DNMT3A: variants seen among roughly 807,000 people sequenced by gnomAD.
DNMT3A encodes the protein DNA methyltransferase 3 alpha, also known as DNA (cytosine-5)-methyltransferase 3A.
Under a neutral mutation model 117.6 loss-of-function variants are expected in DNMT3A, and 267 were observed. That is an observed-to-expected ratio of 2.27 (90% CI 2.05 to 2.51). The LOEUF (loss-of-function observed/expected upper bound fraction) is 2.51, where lower values mean the gene tolerates loss of function less well. Among genes scored for constraint, DNMT3A ranks in the 30% most tolerant of loss-of-function variants. The probability of loss-of-function intolerance (pLI) is 0.00; values close to 1 mark genes in which losing one functional copy is unlikely to be tolerated. For missense variants in DNMT3A, 1,029 were observed against 1,260.2 expected (o/e 0.82, Z 2.78); for synonymous variants, 432 against 474.8 (o/e 0.91, Z 1.17).
At chr2:25,240,165 T>C in intron 19 of DNMT3A, 137 bp downstream of exon 19, 1 of 1,279,278 alleles carries the variant, frequency 7.8e-7, no homozygotes, top group Non-Finnish European at 1.1e-6. Flanking sequence ...CCAGGAAGCC[T>C]GGGGCTTCCC....
intron 6 of DNMT3A, chr2:25,251,791 T>TC (rs773499812): frequency 3.3e-5 from 9 of 275,050 alleles, no homozygotes; most frequent in Non-Finnish European, 5.5e-5. Context: ...GACCGCGTGG[T>TC]CCCCCAGCCA....
intron 6 of DNMT3A, among the ~76,000 whole-genome samples, chr2:25,250,209 C>T (rs1022969874): frequency 1.3e-5 from 2 of 152,204 alleles, no homozygotes; most frequent in African/African-American, 4.8e-5. Flanking sequence ...GGTTAAGAAC[C>T]TTTGTTTGAA....
Position 25,247,445 on chromosome 2 carries a change from G to A in DNMT3A, c.1014+146C>T. The A allele has an allele frequency of 1.6e-6, 2 of 1,284,742 alleles. No homozygotes were observed. Among genetic ancestry groups the A allele is most frequent in the Non-Finnish European group, 1.1e-6 (1 of 938,280 alleles). The allele number at this position is 1,284,742 out of a possible 1,614,324, so 79.6% of individuals were successfully genotyped here. ...CAGGTGCAACCTAATTATCCCTACA[G>A]CTTCTTCCACCCACCACAGGCAGAG... On this transcript the variant is annotated intron_variant, in intron 8 of 22. Transcript: ENST00000321117. The surrounding 1 kb of genome is among the most constrained non-coding windows in gnomAD (Gnocchi z 5.6).
chr2:25,264,447 T>C (rs1227368267), intron 6 of DNMT3A, among the ~76,000 whole-genome samples: 1 of 146,770 alleles, frequency 6.8e-6, no homozygotes, highest in African/African-American at 2.5e-5. Flanking sequence ...GCCAAAGGTT[T>C]TTTTTTTAAA....
rs1396242691 is a variant in DNMT3A, at chr2:25,231,958, T to TGAGTGC, written c.*2320_*2321insGCACTC. The TGAGTGC allele has an allele frequency of 2.6e-5, 4 of 152,332 alleles. No individual in the cohort carries two copies. The highest frequency in any genetic ancestry group is 9.7e-5 in the African/African-American group (4 of 41,398). The allele number at this position is 152,332 out of a possible 1,614,324, so 9.4% of individuals were successfully genotyped here. On this transcript the variant is annotated 3_prime_UTR_variant, in exon 23 of 23. Coordinates refer to ENST00000321117, the MANE Select transcript of DNMT3A (RefSeq NM_022552.5). ...GAGCCCCCTGGCGTGTGTGTGTGTGTGTGAGTGCATTCATTATGCATCAGT... is the reference window on the plus strand; with the variant it reads ...GAGCCCCCTGGCGTGTGTGTGTGTGTGAGTGCGTGAGTGCATTCATTATGCATCAGT...
chr2:25,290,745 C>T (rs1007979398), intron 3 of DNMT3A, among the ~76,000 whole-genome samples: 1 of 151,674 alleles, frequency 6.6e-6, no homozygotes, highest in Admixed American at 6.6e-5. Context: ...GGCAAGAAGC[C>T]CTGTCCCCAG....
Position 25,244,238 on chromosome 2 carries a change from C to T in DNMT3A, c.1768G>A (p.Gly590Ser). 1 of 1,614,040 alleles carries T rather than the reference C, an allele frequency of 6.2e-7. No individual in the cohort carries two copies. Residue 590 changes from glycine to serine, a missense_variant, in exon 15 of 23, where the codon GGT (glycine) becomes AGT (serine). By Grantham distance (56) the Gly-to-Ser change is moderately conservative. Transcript: ENST00000321117. ...PWNCYMCGHK[G>S]TYGLLRRRED... ...CGCCGCCGCAGCAGCCCGTAGGTAC[C>T]CTTGTGCCCGCACATGTAGCAGTTC... is the stretch of plus-strand genomic sequence containing the variant.
At chr2:25,290,447 C>T (rs6546060) in intron 3 of DNMT3A, among the ~76,000 whole-genome samples, 123,151 of 151,970 alleles carry the variant, frequency 0.81, 50,277 homozygotes, top group African/African-American at 0.87. Flanking sequence ...CAGTCCCAAC[C>T]AGTAGCTGGG....
chr2:25,309,747 G>A (rs1048192737), intron 2 of DNMT3A, among the ~76,000 whole-genome samples: 1 of 152,152 alleles, frequency 6.6e-6, no homozygotes, highest in Non-Finnish European at 1.5e-5. Context: ...ACCTTATGCG[G>A]CAATTGTAAG....
At chr2:25,290,092 C>G (rs1471637361) in intron 3 of DNMT3A, among the ~76,000 whole-genome samples, 1 of 152,126 alleles carries the variant, frequency 6.6e-6, no homozygotes, top group African/African-American at 2.4e-5. Flanking sequence ...CTCAGTTTTA[C>G]CAGGGACTAC....
Position 25,227,949 on chromosome 2 carries a change from A to T in DNMT3A, c.*6330T>A, listed in dbSNP as rs1386534886. 1 of 151,814 alleles carries T rather than the reference A, an allele frequency of 6.6e-6. No individual in the cohort carries two copies. The highest frequency in any genetic ancestry group is 1.5e-5 in the Non-Finnish European group (1 of 67,982). The allele number at this position is 151,814 out of a possible 1,614,324, so 9.4% of individuals were successfully genotyped here. ...AAGTACATTAGAAAGGAGCTTTATT[A>T]TATTCTTCTGGGCACAAAAAAAAAT... On this transcript the variant is annotated 3_prime_UTR_variant, in exon 23 of 23. Coordinates refer to ENST00000321117, the MANE Select transcript of DNMT3A (RefSeq NM_022552.5).
At chr2:25,321,977 A>C (rs1336658886) in intron 1 of DNMT3A, among the ~76,000 whole-genome samples, 1 of 152,246 alleles carries the variant, frequency 6.6e-6, no homozygotes, top group Admixed American at 6.5e-5. Flanking sequence ...AAGGTTGGAC[A>C]TGTAAGAGGA....
chr2:25,282,292 C>A lies in DNMT3A; in HGVS notation c.448+149G>T, dbSNP rs928567781. The A allele has an allele frequency of 1.1e-5, 16 of 1,452,458 alleles. No individual in the cohort carries two copies. Among genetic ancestry groups the A allele is most frequent in the Non-Finnish European group, 1.3e-5 (14 of 1,100,792 alleles). The allele number at this position is 1,452,458 out of a possible 1,614,324, so 90.0% of individuals were successfully genotyped here. ...AAACATATGCGCAGGCTGCATCCAGCCAGTAGCCTCCAGGCCATAGCCTTG... is the reference window on the plus strand; with the variant it reads ...AAACATATGCGCAGGCTGCATCCAGACAGTAGCCTCCAGGCCATAGCCTTG... On this transcript the variant is annotated intron_variant, in intron 4 of 22. Coordinates refer to ENST00000321117, the MANE Select transcript of DNMT3A (RefSeq NM_022552.5). This position sits in a 1 kb window ranked among gnomAD's most constrained non-coding sequence, Gnocchi z 5.2.
intron 1 of DNMT3A, among the ~76,000 whole-genome samples, chr2:25,319,134 C>A (rs1407220598): frequency 6.6e-6 from 1 of 151,488 alleles, no homozygotes; most frequent in Non-Finnish European, 1.5e-5. Context: ...CCTGCCTCAG[C>A]CTCCCAAGTA....
intron 3 of DNMT3A, among the ~76,000 whole-genome samples, chr2:25,289,733 G>T (rs561725721): frequency 2.3e-4 from 35 of 152,220 alleles, no homozygotes; most frequent in Non-Finnish European, 3.8e-4. Context: ...GAGGCTGCTG[G>T]CCCTCCCCTG....
rs1028003303 is a variant in DNMT3A, at chr2:25,305,884, C to T, written c.73-5641G>A. 6.6e-6 allele frequency among the ~76,000 whole-genome samples: 1 copy of T among 152,214 alleles called. No homozygotes were observed. On this transcript the variant is annotated intron_variant, in intron 2 of 22. Transcript: ENST00000321117. This position sits in a 1 kb window ranked among gnomAD's most constrained non-coding sequence, Gnocchi z 4.1. The stretch of plus-strand genomic sequence containing the variant: ...AGCCAGCCTGACATACGTGTATTCC[C>T]TTCAGTACTTAAACCGGATGCTACT...
chr2:25,245,417 C>A, intron 12 of DNMT3A, 85 bp from the exon 13 acceptor site: 8 of 1,268,304 alleles, frequency 6.3e-6, no homozygotes, highest in South Asian at 2.6e-5. Context: ...AGACCAGCCA[C>A]AAAAAAGGGG....
intron 1 of DNMT3A, among the ~76,000 whole-genome samples, chr2:25,324,016 C>T (rs2034697179): frequency 6.6e-6 from 1 of 152,216 alleles, no homozygotes; most frequent in South Asian, 2.1e-4. Flanking sequence ...CATGTGACTG[C>T]TGCAGATCTA....
intron 2 of DNMT3A, among the ~76,000 whole-genome samples, chr2:25,309,338 G>A (rs2033956736): frequency 6.6e-6 from 1 of 152,236 alleles, no homozygotes; most frequent in Non-Finnish European, 1.5e-5. Flanking sequence ...AAGGAAGGAG[G>A]GCAGGAGGCA....
Sources: gnomAD v4.1 joint callset for allele counts (sites outside exome capture counted in the v4.1 genomes callset) on GRCh38, gnomAD v4.1.1 for gene constraint, Gnocchi (gnomAD v3.1) non-coding constraint, MANE v1.5 for transcripts, NCBI Gene and HGNC (gene_info 2026-07-23, HGNC 2026-07-21) for gene names.